Variants in DAB1 observed in about 807,000 individuals in gnomAD.
DAB1 encodes DAB adaptor protein 1.
In DAB1, 15 loss-of-function variants were observed where a neutral mutation model predicts 64.6. The observed-to-expected ratio is 0.23, with a 90% CI of 0.16 to 0.36. The LOEUF (loss-of-function observed/expected upper bound fraction) is 0.36, where lower values mean the gene tolerates loss of function less well. Among genes scored for constraint, DAB1 ranks in the 10% least tolerant of loss-of-function variants. The probability of loss-of-function intolerance (pLI) is 1.00; values close to 1 mark genes in which losing one functional copy is unlikely to be tolerated. For missense variants in DAB1, 596 were observed against 706.7 expected, an observed-to-expected ratio of 0.84 and a Z score of 1.78; for synonymous variants, 235 against 251.9, an observed-to-expected ratio of 0.93 and a Z score of 0.64.
intron 3 of DAB1, among the ~76,000 whole-genome samples, chr1:58,349,663 G>C (rs924219422): frequency 1.3e-5 from 2 of 151,912 alleles, no homozygotes; most frequent in African/African-American, 4.8e-5. Flanking sequence ...CTGTGTCCAT[G>C]TGTTCTCATT....
intron 4 of DAB1, among the ~76,000 whole-genome samples, chr1:57,102,994 AG>A (rs1463791861): frequency 6.6e-6 from 1 of 152,142 alleles, no homozygotes; most frequent in African/African-American, 2.4e-5. Context: ...CAGGAGATGA[AG>A]GTCATTGCAA....
intron 6 of DAB1, among the ~76,000 whole-genome samples, chr1:57,788,031 C>A (rs11207106): frequency 0.26 from 40,126 of 151,702 alleles, 6,849 homozygotes; most frequent in African/African-American, 0.49. Flanking sequence ...TGAAGAACAT[C>A]TGGAGCAAGT....
chr1:58,203,436 C>A (rs892573002), intron 4 of DAB1, among the ~76,000 whole-genome samples: 3 of 152,170 alleles, frequency 2.0e-5, no homozygotes, highest in African/African-American at 7.2e-5. Flanking sequence ...TCCTTGATTT[C>A]TCTTCCCATA....
At chr1:57,132,282 A>C (rs1657708321) in intron 4 of DAB1, among the ~76,000 whole-genome samples, 1 of 152,172 alleles carries the variant, frequency 6.6e-6, no homozygotes, top group African/African-American at 2.4e-5. Context: ...AATGTGCACA[A>C]AATAACTAAG....
intron 7 of DAB1, among the ~76,000 whole-genome samples, chr1:57,530,903 G>A: frequency 6.6e-6 from 1 of 152,188 alleles, no homozygotes; most frequent in Non-Finnish European, 1.5e-5. Context: ...TGGGGCCCAG[G>A]TTCAAGGCTA....
chr1:57,370,326 C>G (rs985952947), intron 1 of DAB1, among the ~76,000 whole-genome samples: 2 of 152,134 alleles, frequency 1.3e-5, no homozygotes, highest in African/African-American at 4.8e-5. Context: ...GAAAAGATAA[C>G]TGAATAGAGA....
intron 6 of DAB1, among the ~76,000 whole-genome samples, chr1:57,786,341 A>G (rs1233056614): frequency 6.6e-6 from 1 of 152,156 alleles, no homozygotes; most frequent in Non-Finnish European, 1.5e-5. Context: ...ACAGTGTACC[A>G]ATATAGATGC....
At position 58,090,786 on chromosome 1, in the gene DAB1, C is replaced by T. The variant is rs1650606089; in HGVS notation, n.387+59725G>A. ...GTACAGAGTCACACAGGCAGGCAGA[C>T]TAACAAGGAGGCAATTTCTCTGTCA... On this transcript the variant is annotated intron_variant and non_coding_transcript_variant, in intron 5 of 20. Transcript: ENST00000485760. 3.9e-5 allele frequency among the ~76,000 whole-genome samples: 6 copies of T among 152,156 alleles called. 1 individual carries two copies. The South Asian group carries it at 1.2e-3, about 32-fold the overall frequency.
chr1:57,161,978 T>C lies in DAB1; in HGVS notation c.68-16549A>G, dbSNP rs61767495. Among the ~76,000 whole-genome samples the C allele has an allele frequency of 7.7e-3, 1,167 of 152,340 alleles. 22 individuals carry two copies. The highest frequency in any genetic ancestry group is 0.07 in the East Asian group (362 of 5,186). ...TTCTTATTGGCTGTGCAATAGCCCA[T>C]CCTACAGATGTATCACAATTTATTT... On this transcript the variant is annotated intron_variant, in intron 2 of 14. Coordinates refer to ENST00000371236, the MANE Select transcript of DAB1 (RefSeq NM_001365792.1).
intron 6 of DAB1, among the ~76,000 whole-genome samples, chr1:57,765,829 C>T (rs1649286585): frequency 6.6e-6 from 1 of 152,116 alleles, no homozygotes; most frequent in Non-Finnish European, 1.5e-5. Flanking sequence ...CAGGGTTTCA[C>T]CATGTTGGCC....
At chr1:57,632,972 A>C (rs1237059286) in intron 7 of DAB1, among the ~76,000 whole-genome samples, 1 of 152,232 alleles carries the variant, frequency 6.6e-6, no homozygotes, top group African/African-American at 2.4e-5. Flanking sequence ...CAAAGATATG[A>C]TCAAAATGGG....
chr1:57,476,338 A>G (rs192548915), intron 7 of DAB1, among the ~76,000 whole-genome samples: 1 of 152,082 alleles, frequency 6.6e-6, no homozygotes, highest in Non-Finnish European at 1.5e-5. Flanking sequence ...CAGAGTCCCA[A>G]TAAAATGTCA....
At position 57,812,319 on chromosome 1, in the gene DAB1, CA is replaced by C. The variant is rs67005172; in HGVS notation, n.551+71679del. On this transcript the variant is annotated intron_variant and non_coding_transcript_variant, in intron 6 of 20. Coordinates refer to the DAB1 transcript ENST00000485760. The stretch of plus-strand genomic sequence containing the variant: ...AAACACACAACCTGGGATTCATTGC[CA>C]AAAAAAAAAAAAAAAAAAGAAAGAA... 1.3e-3 allele frequency among the ~76,000 whole-genome samples: 128 copies of C among 101,196 alleles called. 1 individual carries two copies. The highest frequency in any genetic ancestry group is 9.3e-3 in the Middle Eastern group (2 of 214). 66.4% of individuals were successfully genotyped at this position (101,196 alleles called of 152,430 possible).
intron 4 of DAB1, among the ~76,000 whole-genome samples, chr1:57,084,997 C>A (rs779592740): frequency 6.6e-5 from 10 of 152,148 alleles, no homozygotes; most frequent in Non-Finnish European, 1.3e-4. Flanking sequence ...AGCACCAAAT[C>A]GCCCCCTTTT....
chr1:57,890,461 T>C lies in DAB1; in HGVS notation n.388-6299A>G, dbSNP rs995502488. Among the ~76,000 whole-genome samples the C allele has an allele frequency of 4.7e-4, 71 of 150,760 alleles. 1 individual carries two copies. The highest frequency in any genetic ancestry group is 2.3e-3 in the Admixed American group (35 of 15,158). ...GCTTTTCTTTCTTTTCTTTTCTTTTTTTTTTTTTTCTTTTGGCTGGGTCTG... is the reference window on the plus strand; with the variant it reads ...GCTTTTCTTTCTTTTCTTTTCTTTTCTTTTTTTTTCTTTTGGCTGGGTCTG... On this transcript the variant is annotated intron_variant and non_coding_transcript_variant, in intron 5 of 20. Transcript: ENST00000485760.
At chr1:57,033,571 A>G (rs1402477695) in intron 9 of DAB1, 3 of 1,612,132 alleles carry the variant, frequency 1.9e-6, no homozygotes, top group South Asian at 1.1e-5. Flanking sequence ...ACGAATAGCC[A>G]TTCTGAAAGT....
At position 58,304,248 on chromosome 1, in the gene DAB1, A is replaced by T. The variant is rs1284192837; in HGVS notation, n.309+39104T>A. Among the ~76,000 whole-genome samples the T allele has an allele frequency of 3.9e-5, 6 of 152,024 alleles. No homozygotes were observed. In the East Asian group the frequency reaches 1.2e-3, roughly 29 times the overall value. ...CATCGTTTGTGTAATGGTAATTTCCACTCACTGGTCATGGTTTTACCTGCT... is the reference window on the plus strand; with the variant it reads ...CATCGTTTGTGTAATGGTAATTTCCTCTCACTGGTCATGGTTTTACCTGCT... On this transcript the variant is annotated intron_variant and non_coding_transcript_variant, in intron 4 of 20. Transcript: ENST00000485760.
intron 3 of DAB1, among the ~76,000 whole-genome samples, chr1:58,377,698 C>G (rs1258019610): frequency 7.2e-6 from 1 of 139,348 alleles, no homozygotes; most frequent in African/African-American, 2.8e-5. Flanking sequence ...GTGGTGTTCT[C>G]TGTATTTCCT....
chr1:57,611,208 A>T (rs1039385915), intron 7 of DAB1, among the ~76,000 whole-genome samples: 1 of 143,276 alleles, frequency 7.0e-6, no homozygotes. Flanking sequence ...CGGCATAGGC[A>T]GGTCTCCAGG....
Sources: allele counts gnomAD v4.1 joint callset (sites outside exome capture counted in the v4.1 genomes callset), GRCh38; gene constraint gnomAD v4.1.1; transcripts MANE v1.5; gene names NCBI Gene and HGNC (gene_info 2026-07-23, HGNC 2026-07-21).